Variants in SLC16A4 observed in about 807,000 individuals in gnomAD.
SLC16A4 encodes probable monocarboxylate transporter 5.
A neutral mutation model predicts 47.9 loss-of-function variants in SLC16A4; 39 were observed. That is an observed-to-expected ratio of 0.81 (90% confidence interval 0.63 to 1.06). The LOEUF (loss-of-function observed/expected upper bound fraction) is 1.06, where lower values mean the gene tolerates loss of function less well. Among genes scored for constraint, SLC16A4 ranks in the 50% least tolerant of loss-of-function variants. The pLI is 0.00. For missense variants in SLC16A4, 524 were observed against 573.8 expected (o/e 0.91, Z 0.89); for synonymous variants, 189 against 199.9 (o/e 0.95, Z 0.46).
intron 3 of SLC16A4, among the ~76,000 whole-genome samples, chr1:110,382,504 T>TAGA (rs2101054776): frequency 6.6e-6 from 1 of 152,182 alleles, no homozygotes; most frequent in South Asian, 2.1e-4. Flanking sequence ...CTTAGATAAC[T>TAGA]AGAACTTCAT....
At chr1:110,386,614 A>C (rs1662748946) in intron 2 of SLC16A4, among the ~76,000 whole-genome samples, 1 of 152,170 alleles carries the variant, frequency 6.6e-6, no homozygotes, top group Admixed American at 6.5e-5. Context: ...CTTCCTCACT[A>C]GATCATTTTA....
chr1:110,376,242 T>C (rs967608755), intron 7 of SLC16A4, among the ~76,000 whole-genome samples: 4 of 152,184 alleles, frequency 2.6e-5, no homozygotes, highest in African/African-American at 9.7e-5. Flanking sequence ...TAATCAGATA[T>C]CACAAGGAGT....
chr1:110,380,180 C>T (rs1662294191), intron 5 of SLC16A4, among the ~76,000 whole-genome samples: 1 of 151,770 alleles, frequency 6.6e-6, no homozygotes, highest in African/African-American at 2.4e-5. Context: ...TGAATAGTTG[C>T]TTGCATTCAG....
At position 110,382,906 on chromosome 1, in the gene SLC16A4, C is replaced by T. The variant is rs751609008; in HGVS notation, c.148G>A (p.Glu50Lys). Residue 50 changes from glutamate to lysine, a missense_variant, in exon 3 of 9, where the codon GAA (glutamate) becomes AAA (lysine). Transcript: ENST00000369779. ...TGCTCTGAGGTGCCTTCAAACTCTT[C>T]TTGAAAGACCACAAAGAAAATTGCA... Reference protein sequence around the residue: ...TFAIFFVVFQEEFEGTSEQIG... With the variant: ...TFAIFFVVFQKEFEGTSEQIG... 7.4e-6 allele frequency: 12 copies of T among 1,612,634 alleles called. No homozygotes were observed. Among genetic ancestry groups the T allele is most frequent in the Admixed American group, 3.3e-5 (2 of 59,824 alleles).
At chr1:110,377,562 GA>G (rs749522971) in intron 6 of SLC16A4, among the ~76,000 whole-genome samples, 16 of 152,214 alleles carry the variant, frequency 1.1e-4, no homozygotes, top group East Asian at 7.7e-4. Context: ...GTGTCTTGGG[GA>G]AGTCATATTG....
rs563341656 is a variant in SLC16A4, at chr1:110,363,020, G to A, written c.*746C>T. 1 of 152,272 alleles carries A rather than the reference G, an allele frequency of 6.6e-6. No individual in the cohort carries two copies. Among genetic ancestry groups the A allele is most frequent in the South Asian group, 2.1e-4 (1 of 4,816 alleles). 9.4% of individuals were successfully genotyped at this position (152,272 alleles called of 1,614,324 possible). The stretch of plus-strand genomic sequence containing the variant: ...CAATAAACAAAGATAAACTTTTGGA[G>A]GGAGCATATACCATTCCAGTCACTA... On this transcript the variant is annotated 3_prime_UTR_variant, in exon 9 of 9. Coordinates refer to ENST00000369779, the MANE Select transcript of SLC16A4 (RefSeq NM_004696.3).
chr1:110,379,452 C>T, intron 5 of SLC16A4, 96 bp from the exon 6 acceptor site: 1 of 1,141,406 alleles, frequency 8.8e-7, no homozygotes, highest in East Asian at 2.5e-5. Flanking sequence ...TGGCATAGCC[C>T]ATTAATTCTT....
chr1:110,380,617 G>C (rs1662319618), intron 5 of SLC16A4, among the ~76,000 whole-genome samples: 2 of 116,900 alleles, frequency 1.7e-5, no homozygotes, highest in South Asian at 3.2e-4. Flanking sequence ...GAAAAGTGAG[G>C]GTTTTTGATG....
Position 110,382,920 on chromosome 1 carries a change from A to G in SLC16A4, c.134T>C (p.Phe45Ser), listed in dbSNP as rs200033065. ...TTCAAACTCTTCTTGAAAGACCACA[A>G]AGAAAATTGCAAAAGTCTTGGTCAT... ...MGMTKTFAIF[F>S]VVFQEEFEGT... The change falls in exon 3 of 9, where the codon TTT (phenylalanine) becomes TCT (serine). Residue 45 changes from phenylalanine to serine, a missense_variant. Transcript: ENST00000369779. 3.1e-6 allele frequency: 5 copies of G among 1,612,702 alleles called. No homozygotes were observed. Among genetic ancestry groups the G allele is most frequent in the African/African-American group, 1.3e-5 (1 of 75,030 alleles).
intron 6 of SLC16A4, among the ~76,000 whole-genome samples, chr1:110,377,363 C>T (rs1457004466): frequency 2.0e-5 from 3 of 152,144 alleles, no homozygotes; most frequent in Admixed American, 6.5e-5. Flanking sequence ...AAAGTCTCCG[C>T]TAGAGTAGTG....
At chr1:110,373,911 A>T (rs1288960694) in intron 8 of SLC16A4, among the ~76,000 whole-genome samples, 1 of 151,896 alleles carries the variant, frequency 6.6e-6, no homozygotes, top group Non-Finnish European at 1.5e-5. Flanking sequence ...TCCTGGACTC[A>T]CACAATCCTC....
chr1:110,389,295 G>T lies in SLC16A4; in HGVS notation c.29C>A (p.Pro10His). 6.2e-7 allele frequency: 1 copy of T among 1,613,806 alleles called. No homozygotes were observed. The highest frequency in any genetic ancestry group is 1.1e-5 in the South Asian group (1 of 91,070). The change falls in exon 2 of 9, where the codon CCT becomes CAT. Residue 10 changes from proline to histidine, a missense_variant. By Grantham distance (77) the Pro-to-His change is moderately conservative. Coordinates refer to ENST00000369779, the MANE Select transcript of SLC16A4 (RefSeq NM_004696.3). MLKREGKVQ[P>H]YTKTLDGGWG... ...TCCTCCATCCAGGGTTTTAGTGTAA[G>T]GTTGGACCTTCCCCTCCCTCTTCAG...
rs1553230795 is a variant in SLC16A4, at chr1:110,383,816, T to TTG, written c.88-851_88-850insCA. On this transcript the variant is annotated intron_variant, in intron 2 of 8. Transcript: ENST00000369779. ...GCTGTTAAAAGGAGGTTTTTTTTTT[T>TTG]TTTTTTTTTTTTTTTTGGAAACGGC... Among the ~76,000 whole-genome samples the TTG allele has an allele frequency of 9.7e-4, 106 of 109,240 alleles. 1 individual carries two copies. The highest frequency in any genetic ancestry group is 6.7e-3 in the East Asian group (26 of 3,896). The allele number at this position is 109,240 out of a possible 152,430, so 71.7% of individuals were successfully genotyped here. A position where few individuals can be genotyped will look rare whatever the true frequency, so the allele number is the denominator to read the frequency against.
intron 7 of SLC16A4, among the ~76,000 whole-genome samples, chr1:110,376,067 G>A (rs2101021540): frequency 6.6e-6 from 1 of 152,006 alleles, no homozygotes; most frequent in Middle Eastern, 3.4e-3. Flanking sequence ...TGTAGAGACG[G>A]AGTTTCACCA....
At chr1:110,364,060 C>G in intron 8 of SLC16A4, 167 bp from the exon 9 acceptor site, 1 of 557,536 alleles carries the variant, frequency 1.8e-6, no homozygotes, top group Non-Finnish European at 2.9e-6. Context: ...ATCAGCTCCA[C>G]CTGAGTTAGG....
intron 8 of SLC16A4, among the ~76,000 whole-genome samples, chr1:110,366,732 T>C (rs2100981672): frequency 6.6e-6 from 1 of 152,340 alleles, no homozygotes; most frequent in South Asian, 2.1e-4. Context: ...CTAACACATT[T>C]CTCAGAATGT....
chr1:110,386,730 C>T (rs528670485), intron 2 of SLC16A4, among the ~76,000 whole-genome samples: 2 of 152,274 alleles, frequency 1.3e-5, no homozygotes, highest in African/African-American at 2.4e-5. Context: ...TCTTATCCTG[C>T]GTCCTTTTCT....
Position 110,363,834 on chromosome 1 carries a change from A to G in SLC16A4, c.1396T>C (p.Tyr466His). The change falls in exon 9 of 9, where the codon TAT becomes CAT. Residue 466 changes from tyrosine to histidine, a missense_variant. Transcript: ENST00000369779. ...NGSFYFSGIC[Y>H]LLSSVSFFFV... The stretch of plus-strand genomic sequence containing the variant: ...AAAAAGGAAACTGAAGAGAGGAGAT[A>G]GCATATGCCAGAGAAGTAGAAAGAG... 6.2e-7 allele frequency: 1 copy of G among 1,612,992 alleles called. No homozygotes were observed. The highest frequency in any genetic ancestry group is 8.5e-7 in the Non-Finnish European group (1 of 1,179,408).
intron 4 of SLC16A4, among the ~76,000 whole-genome samples, 183 bp from the exon 5 acceptor site, chr1:110,381,326 CACA>C (rs1334586301): frequency 6.6e-6 from 1 of 151,806 alleles, no homozygotes; most frequent in Non-Finnish European, 1.5e-5. Flanking sequence ...TACACACACA[CACA>C]CACATATTTT....
Sources: allele counts gnomAD v4.1 joint callset (sites outside exome capture counted in the v4.1 genomes callset), GRCh38; gene constraint gnomAD v4.1.1; transcripts MANE v1.5; gene names NCBI Gene and HGNC (gene_info 2026-07-23, HGNC 2026-07-21).